SUGCT: variants seen among roughly 807,000 people sequenced by gnomAD.
The protein encoded by SUGCT is succinyl-CoA:glutarate-CoA transferase, also known as succinyl-CoA:glutarate CoA-transferase.
In SUGCT, 41 loss-of-function variants were observed where a neutral mutation model predicts 55.0. The ratio of observed to expected loss-of-function variants is 0.74; its 90% CI spans 0.58 to 0.97. The LOEUF (loss-of-function observed/expected upper bound fraction) is 0.97, where lower values mean the gene tolerates loss of function less well. Among genes scored for constraint, SUGCT ranks in the 50% least tolerant of loss-of-function variants. SUGCT has a pLI of 0.00. For synonymous variants in SUGCT, 187 were observed against 200.4 expected (o/e 0.93, Z 0.56); for missense variants, 568 against 547.8 (o/e 1.04, Z -0.37).
At chr7:40,646,665 G>A (rs1433760951) in intron 12 of SUGCT, among the ~76,000 whole-genome samples, 1 of 152,118 alleles carries the variant, frequency 6.6e-6, no homozygotes, top group Non-Finnish European at 1.5e-5. Flanking sequence ...TTTCATCCTT[G>A]AAGTTTTTAA....
intron 12 of SUGCT, chr7:40,683,918 C>A: frequency 1.6e-6 from 2 of 1,255,108 alleles, no homozygotes; most frequent in Non-Finnish European, 2.2e-6. Flanking sequence ...AGGCTAAAAT[C>A]AAGGTGCTGG....
intron 11 of SUGCT, among the ~76,000 whole-genome samples, chr7:40,485,417 C>CTTTTTTTTTTTTTTT (rs397889166): frequency 6.7e-5 from 5 of 74,412 alleles, no homozygotes; most frequent in Non-Finnish European, 1.2e-4. Flanking sequence ...TATATACATT[C>CTTTTTTTTTTTTTTT]TTTTTTTTTT....
At chr7:40,166,060 T>G (rs2087890392) in intron 1 of SUGCT, among the ~76,000 whole-genome samples, 1 of 152,142 alleles carries the variant, frequency 6.6e-6, no homozygotes, top group South Asian at 2.1e-4. Context: ...AGGTGGAGGT[T>G]GCAGGGAGCC....
chr7:40,638,378 T>G (rs1234117871), intron 12 of SUGCT, among the ~76,000 whole-genome samples: 5 of 152,222 alleles, frequency 3.3e-5, no homozygotes, highest in African/African-American at 1.2e-4. Context: ...TAGGTGAAGC[T>G]CTGGCTGGAT....
At chr7:40,188,798 A>G (rs1460946093) in intron 4 of SUGCT, among the ~76,000 whole-genome samples, 1 of 152,184 alleles carries the variant, frequency 6.6e-6, no homozygotes. Flanking sequence ...AGAACATTTC[A>G]TAAGAATTTA....
chr7:40,826,396 C>A (rs540520833), intron 13 of SUGCT, among the ~76,000 whole-genome samples: 57 of 152,226 alleles, frequency 3.7e-4, no homozygotes, highest in Non-Finnish European at 6.5e-4. Flanking sequence ...TAAGACCAAG[C>A]ATTATGGTAG....
intron 9 of SUGCT, among the ~76,000 whole-genome samples, chr7:40,324,527 A>T (rs904831346): frequency 1.6e-4 from 25 of 152,036 alleles, no homozygotes; most frequent in African/African-American, 6.0e-4. Context: ...AAGTGCTGGG[A>T]TTACAGGCAT....
chr7:40,662,938 A>G (rs1480453171), intron 12 of SUGCT, among the ~76,000 whole-genome samples: 2 of 152,192 alleles, frequency 1.3e-5, no homozygotes, highest in African/African-American at 4.8e-5. Flanking sequence ...GGGTGCTAAT[A>G]AATATTTGCT....
chr7:40,212,508 A>G (rs1195301108), intron 6 of SUGCT, among the ~76,000 whole-genome samples: 2 of 152,062 alleles, frequency 1.3e-5, no homozygotes, highest in African/African-American at 4.8e-5. Context: ...AAGGAGGAAC[A>G]TGTAAATTGA....
At chr7:40,675,674 G>A (rs1783937831) in intron 12 of SUGCT, among the ~76,000 whole-genome samples, 1 of 152,216 alleles carries the variant, frequency 6.6e-6, no homozygotes, top group Non-Finnish European at 1.5e-5. Flanking sequence ...TCCATGCAGA[G>A]GTGCTTTCGG....
At chr7:40,166,813 G>T (rs1784443287) in intron 1 of SUGCT, among the ~76,000 whole-genome samples, 1 of 151,358 alleles carries the variant, frequency 6.6e-6, no homozygotes. Flanking sequence ...CTTGAACCCA[G>T]GAGGTGGAGG....
At chr7:40,269,559 G>A (rs1438073388) in intron 7 of SUGCT, among the ~76,000 whole-genome samples, 1 of 152,090 alleles carries the variant, frequency 6.6e-6, no homozygotes, top group Non-Finnish European at 1.5e-5. Flanking sequence ...CTGAGCTCAA[G>A]GAGTCCTCCG....
chr7:40,897,313 C>G, the SUGCT span, among the ~76,000 whole-genome samples: 1 of 152,072 alleles, frequency 6.6e-6, no homozygotes, highest in African/African-American at 2.4e-5. Flanking sequence ...TTGGATATGA[C>G]CCCAAAAGCA....
At chr7:40,450,674 T>C (rs1483684435) in intron 10 of SUGCT, among the ~76,000 whole-genome samples, 1 of 151,924 alleles carries the variant, frequency 6.6e-6, no homozygotes, top group Non-Finnish European at 1.5e-5. Flanking sequence ...GCTACTCGGC[T>C]GAGGCAGGAG....
intron 12 of SUGCT, among the ~76,000 whole-genome samples, chr7:40,540,334 C>T (rs1794604858): frequency 6.6e-6 from 1 of 152,206 alleles, no homozygotes; most frequent in Non-Finnish European, 1.5e-5. Flanking sequence ...CCATTGTCCA[C>T]ATTTTGCAGA....
chr7:40,798,692 C>A (rs918078042), intron 13 of SUGCT, among the ~76,000 whole-genome samples: 1 of 152,058 alleles, frequency 6.6e-6, no homozygotes, highest in Admixed American at 6.6e-5. Flanking sequence ...TTATGCTTTG[C>A]GCATGCTACT....
At chr7:40,625,411 C>T (rs1799480888) in intron 12 of SUGCT, among the ~76,000 whole-genome samples, 1 of 152,188 alleles carries the variant, frequency 6.6e-6, no homozygotes, top group South Asian at 2.1e-4. Context: ...CACTCTGCCA[C>T]TGGAAGGTTC....
chr7:41,017,253 C>T, the SUGCT span, among the ~76,000 whole-genome samples: 1 of 152,060 alleles, frequency 6.6e-6, no homozygotes, highest in Non-Finnish European at 1.5e-5. Context: ...ATCAAAGGGG[C>T]CTGGGTTATT....
At chr7:40,742,792 T>C (rs1393402801) in intron 12 of SUGCT, among the ~76,000 whole-genome samples, 1 of 152,256 alleles carries the variant, frequency 6.6e-6, no homozygotes, top group Non-Finnish European at 1.5e-5. Flanking sequence ...TTGAATTAAC[T>C]TTTTAATATA....
Sources: gnomAD v4.1 joint callset for allele counts (sites outside exome capture counted in the v4.1 genomes callset) on GRCh38, gnomAD v4.1.1 for gene constraint, MANE v1.5 for transcripts, NCBI Gene and HGNC (gene_info 2026-07-23, HGNC 2026-07-21) for gene names.